The following HCN2 variants were observed in gnomAD, a reference collection of about 807,000 sequenced individuals.
HCN2 encodes potassium/sodium hyperpolarization-activated cyclic nucleotide-gated channel 2.
Under a neutral mutation model 52.3 loss-of-function variants are expected in HCN2, and 20 were observed. That is an observed-to-expected ratio of 0.38 (90% confidence interval 0.27 to 0.56). The LOEUF (loss-of-function observed/expected upper bound fraction) is 0.56. HCN2 is among the 20% of genes least tolerant of loss of function. HCN2 has a pLI of 0.71. For synonymous variants in HCN2, 694 were observed against 537.0 expected (o/e 1.29, Z -4.04); for missense variants, 981 against 1,207.7 (o/e 0.81, Z 2.78).
In HCN2 at chr19:614,027, C is replaced by A. The variant is rs749600366; in HGVS notation, c.1990+11C>A. 1.0e-5 allele frequency: 10 copies of A among 963,028 alleles called. No homozygotes were observed. Among genetic ancestry groups the A allele is most frequent in the Non-Finnish European group, 1.1e-5 (8 of 727,976 alleles). 59.7% of individuals were successfully genotyped at this position (963,028 alleles called of 1,614,324 possible). A position where few individuals can be genotyped will look rare whatever the true frequency, so the allele number is the denominator to read the frequency against. ...GCCTGGACCGCATCGGTGAGCGGGC[C>A]GGGGGCGTGGCCGGGGCGGGTGCCC... On this transcript the variant is annotated intron_variant, in intron 7 of 7. Transcript: ENST00000251287.
At position 617,150 on chromosome 19, in the gene HCN2, T is replaced by A; in HGVS notation, c.*676T>A. 1 of 669,694 alleles carries A rather than the reference T, an allele frequency of 1.5e-6. No homozygotes were observed. The highest frequency in any genetic ancestry group is 2.4e-6 in the Non-Finnish European group (1 of 412,686). 41.5% of individuals were successfully genotyped at this position (669,694 alleles called of 1,614,324 possible). A position where few individuals can be genotyped will look rare whatever the true frequency, so the allele number is the denominator to read the frequency against. On this transcript the variant is annotated 3_prime_UTR_variant, in exon 8 of 8. Transcript: ENST00000251287. ...CCATTCCGCGCAATAAACGACAGCA[T>A]TGGCGCCAAGCCTGGCCGCGTGTGA...
At chr19:607,355 T>C (rs1187686960) in intron 3 of HCN2, among the ~76,000 whole-genome samples, 1 of 152,174 alleles carries the variant, frequency 6.6e-6, no homozygotes, top group Non-Finnish European at 1.5e-5. Context: ...ATATGGGACT[T>C]GGGATGTGTT....
chr19:616,378 GC>G lies in HCN2; in HGVS notation c.2577del (p.Ser860AlafsTer67). 1 of 1,232,744 alleles carries G rather than the reference GC, an allele frequency of 8.1e-7. No homozygotes were observed. The allele number at this position is 1,232,744 out of a possible 1,614,324, so 76.4% of individuals were successfully genotyped here. A position where few individuals can be genotyped will look rare whatever the true frequency, so the allele number is the denominator to read the frequency against. On this transcript the variant is annotated frameshift_variant, in exon 8 of 8. Coordinates refer to ENST00000251287, the MANE Select transcript of HCN2 (RefSeq NM_001194.4). LOFTEE classifies it low-confidence loss of function (END_TRUNC). ...GPTPAARAAA[P>X]SPDRRDSASP... ...CCACGCCCGCTGCCCGGGCCGCCGC[GC>G]CCAGCCCGGACCGCAGGGACTCGGC...
chr19:598,738 C>A (rs57425230), intron 1 of HCN2, among the ~76,000 whole-genome samples: 29,129 of 152,204 alleles, frequency 0.19, 2,975 homozygotes, highest in Admixed American at 0.25. Context: ...AGTAGCTGGG[C>A]CTACAGGCGC....
rs749547391 is a variant in HCN2, at chr19:610,421, G to A, written c.1584+16G>A. 10 of 1,609,654 alleles carry A rather than the reference G, an allele frequency of 6.2e-6. No individual in the cohort carries two copies. Among genetic ancestry groups the A allele is most frequent in the Non-Finnish European group, 8.5e-6 (10 of 1,177,970 alleles). ...CCTGCGGGAGGTGAGGCGGGCGCCG[G>A]GCGGGCGGGAGGCAGCCTCCGGTAC... On this transcript the variant is annotated intron_variant, in intron 5 of 7. Coordinates refer to ENST00000251287, the MANE Select transcript of HCN2 (RefSeq NM_001194.4).
chr19:615,568 C>G (rs10416161), intron 7 of HCN2, among the ~76,000 whole-genome samples: 33,604 of 152,186 alleles, frequency 0.22, 4,349 homozygotes, highest in African/African-American at 0.37. Flanking sequence ...TTCATGCATG[C>G]TGGCTGTGCA....
rs574288080 is a variant in HCN2, at chr19:600,640, C to T, written c.633-2904C>T. Among the ~76,000 whole-genome samples, 7 of 152,188 alleles carry T rather than the reference C, an allele frequency of 4.6e-5. No homozygotes were observed. In the East Asian group the frequency reaches 5.8e-4, roughly 13 times the overall value. On this transcript the variant is annotated intron_variant, in intron 1 of 7. Transcript: ENST00000251287. ...GATTACAGACGTGAGCCACCACACC[C>T]GGCCTAATTTCTGTATTTTTAGTAG...
intron 7 of HCN2, among the ~76,000 whole-genome samples, chr19:614,766 C>T (rs1309912532): frequency 6.6e-6 from 1 of 152,020 alleles, no homozygotes; most frequent in Non-Finnish European, 1.5e-5. Flanking sequence ...ATTGTATCCG[C>T]CAAGGCGGGC....
intron 1 of HCN2, among the ~76,000 whole-genome samples, chr19:593,694 C>G (rs1418252206): frequency 1.3e-5 from 2 of 151,986 alleles, no homozygotes; most frequent in Non-Finnish European, 2.9e-5. Flanking sequence ...GGCTCTACAC[C>G]CCGGCCTGAC....
Position 610,656 on chromosome 19 carries a change from C to T in HCN2, c.1584+251C>T, listed in dbSNP as rs566715628. On this transcript the variant is annotated intron_variant, in intron 5 of 7. Coordinates refer to ENST00000251287, the MANE Select transcript of HCN2 (RefSeq NM_001194.4). ...CTGCCTGGGTCTGTGCCTGACAGGG[C>T]GGGGCAGAAGCAGGGCAGGGGGTGG... 1.8e-3 allele frequency among the ~76,000 whole-genome samples: 269 copies of T among 152,290 alleles called. 2 individuals carry two copies. Among genetic ancestry groups the T allele is most frequent in the African/African-American group, 5.6e-3 (234 of 41,558 alleles).
chr19:597,412 G>C (rs994680567), intron 1 of HCN2, among the ~76,000 whole-genome samples: 3 of 152,254 alleles, frequency 2.0e-5, no homozygotes, highest in African/African-American at 7.2e-5. Context: ...CTGGAAAGGA[G>C]GCCTTCATGT....
At chr19:607,504 T>C (rs896621062) in intron 3 of HCN2, among the ~76,000 whole-genome samples, 8 of 152,194 alleles carry the variant, frequency 5.3e-5, no homozygotes, top group Non-Finnish European at 1.2e-4. Context: ...GCACATGCGG[T>C]CCCATTTCCT....
intron 3 of HCN2, among the ~76,000 whole-genome samples, chr19:606,450 G>A (rs528150050): frequency 6.6e-6 from 1 of 152,262 alleles, no homozygotes; most frequent in East Asian, 1.9e-4. Flanking sequence ...AGCCATGATT[G>A]CACCACTGCA....
chr19:604,997 TG>T, intron 2 of HCN2, 63 bp from the exon 3 acceptor site: 1 of 1,275,800 alleles, frequency 7.8e-7, no homozygotes. Flanking sequence ...CGCACGGGGC[TG>T]GGGCTCTGAA....
At chr19:610,702 C>T (rs1600533609) in intron 5 of HCN2, among the ~76,000 whole-genome samples, 1 of 152,194 alleles carries the variant, frequency 6.6e-6, no homozygotes, top group South Asian at 2.1e-4. Context: ...GCCGCAGAGG[C>T]CCCGCTGAGC....
At chr19:594,762 G>A (rs1952335714) in intron 1 of HCN2, among the ~76,000 whole-genome samples, 1 of 152,176 alleles carries the variant, frequency 6.6e-6, no homozygotes, top group Non-Finnish European at 1.5e-5. Flanking sequence ...GGAAGGCCCA[G>A]CGTGTGCAGG....
Position 613,867 on chromosome 19 carries a change from C to G in HCN2, c.1841C>G (p.Thr614Ser). 1 of 1,587,796 alleles carries G rather than the reference C, an allele frequency of 6.3e-7. No individual in the cohort carries two copies. The highest frequency in any genetic ancestry group is 8.6e-7 in the Non-Finnish European group (1 of 1,168,010). The change falls in exon 7 of 8, where the codon ACC becomes AGC. Residue 614 changes from threonine to serine, a missense_variant. This residue lies in a region of HCN2 where 85 missense variants were observed against 106.1 expected (regional missense o/e 0.80). Transcript: ENST00000251287. ...CCACGTGCAGAGATCTGCCTGCTCA[C>G]CCGGGGCCGCCGCACGGCGAGCGTG... The part of the protein sequence containing the change: ...GSYFGEICLL[T>S]RGRRTASVRA...
rs935409506 is a variant in HCN2, at chr19:592,053, C to T, written c.632+1476C>T. 2.0e-5 allele frequency among the ~76,000 whole-genome samples: 3 copies of T among 152,220 alleles called. No individual in the cohort carries two copies. The highest frequency in any genetic ancestry group is 6.5e-5 in the Admixed American group (1 of 15,292). ...CTCCCACCCTGCCTCTGTGCCCCACCGGGAGAGCTTGGTCAGCATCTGGGC... is the reference window on the plus strand; with the variant it reads ...CTCCCACCCTGCCTCTGTGCCCCACTGGGAGAGCTTGGTCAGCATCTGGGC... On this transcript the variant is annotated intron_variant, in intron 1 of 7. Transcript: ENST00000251287. This position sits in a 1 kb window ranked among gnomAD's most constrained non-coding sequence, Gnocchi z 4.8.
chr19:605,186 C>G lies in HCN2; in HGVS notation c.1182C>G (p.Phe394Leu). 1 of 1,611,018 alleles carries G rather than the reference C, an allele frequency of 6.2e-7. No homozygotes were observed. The highest frequency in any genetic ancestry group is 8.5e-7 in the Non-Finnish European group (1 of 1,179,564). Residue 394 changes from phenylalanine (F) to leucine (L), a missense_variant, in exon 3 of 8, where the codon TTC becomes TTG. Physicochemically the swap from Phe to Leu is conservative, Grantham distance 22. This residue lies in a region of HCN2 where 282 missense variants were observed against 553.8 expected (regional missense o/e 0.51). Transcript: ENST00000251287. ...LQFLVPMLQDFPRNCWVSING... is the reference protein window; with the variant it reads ...LQFLVPMLQDLPRNCWVSING... The stretch of plus-strand genomic sequence containing the variant: ...TCCTGGTGCCTATGCTGCAGGACTT[C>G]CCGCGCAACTGCTGGGTGTCCATCA...
Sources: gnomAD v4.1 joint callset for allele counts (sites outside exome capture counted in the v4.1 genomes callset) on GRCh38, gnomAD v4.1.1 for gene constraint, gnomAD v4.1.1 regional missense constraint, Gnocchi (gnomAD v3.1) non-coding constraint, MANE v1.5 for transcripts, NCBI Gene and HGNC (gene_info 2026-07-23, HGNC 2026-07-21) for gene names.